IL7: variants seen among roughly 807,000 people sequenced by gnomAD.
IL7 encodes interleukin 7.
IL7 carries 3 observed loss-of-function variants against 21.6 expected under a neutral mutation model. The ratio of observed to expected loss-of-function variants is 0.14; its 90% CI spans 0.06 to 0.36. The LOEUF (loss-of-function observed/expected upper bound fraction) is 0.36. Among genes scored for constraint, IL7 ranks in the 10% least tolerant of loss-of-function variants. The probability of loss-of-function intolerance (pLI) is 1.00; values close to 1 mark genes in which losing one functional copy is unlikely to be tolerated. For missense variants in IL7, 175 were observed against 200.2 expected, an observed-to-expected ratio of 0.87 and a Z score of 0.76; for synonymous variants, 62 against 68.1, an observed-to-expected ratio of 0.91 and a Z score of 0.44.
chr8:78,778,088 A>T (rs1245623387), intron 2 of IL7, among the ~76,000 whole-genome samples: 1 of 152,082 alleles, frequency 6.6e-6, no homozygotes, highest in Non-Finnish European at 1.5e-5. Flanking sequence ...AATTATCAGC[A>T]TTATCCCATT....
chr8:78,783,178 C>G (rs909883354), intron 2 of IL7, among the ~76,000 whole-genome samples: 1 of 152,172 alleles, frequency 6.6e-6, no homozygotes, highest in Admixed American at 6.5e-5. Flanking sequence ...GACCCCAGCC[C>G]AGTGGCCACT....
At chr8:78,749,069 T>A (rs1812077816) in intron 2 of IL7, among the ~76,000 whole-genome samples, 1 of 152,180 alleles carries the variant, frequency 6.6e-6, no homozygotes, top group Non-Finnish European at 1.5e-5. Flanking sequence ...AGTTTAACTG[T>A]CATTTAACTG....
chr8:78,690,885 T>A (rs1810189904), intron 3 of IL7, among the ~76,000 whole-genome samples: 2 of 152,316 alleles, frequency 1.3e-5, no homozygotes, highest in African/African-American at 4.8e-5. Context: ...CATTTTTAGT[T>A]GTTTTTTGCT....
rs1274020151 is a variant in IL7 at position 78,689,979 on chromosome 8, G to C, written n.215-4032C>G. On this transcript the variant is annotated intron_variant and non_coding_transcript_variant, in intron 3 of 4. Transcript: ENST00000523959. ...CACTTCAGGCTGGTATTTGTGTATA[G>C]TGTGAAGTAAGGGGCAGTTTTTCCT... Among the ~76,000 whole-genome samples, 5 of 152,280 alleles carry C rather than the reference G, an allele frequency of 3.3e-5. No homozygotes were observed. The South Asian group carries it at 8.3e-4, about 25-fold the overall frequency.
chr8:78,727,690 C>T (rs1439953696), intron 3 of IL7, among the ~76,000 whole-genome samples: 2 of 151,898 alleles, frequency 1.3e-5, no homozygotes, highest in South Asian at 4.1e-4. Context: ...TTTTAAAACA[C>T]AAATTCAATA....
intron 3 of IL7, among the ~76,000 whole-genome samples, chr8:78,723,547 A>G (rs1411915986): frequency 6.6e-6 from 1 of 152,044 alleles, no homozygotes; most frequent in African/African-American, 2.4e-5. Context: ...GATGAAATTA[A>G]CTTTCATAAA....
At chr8:78,766,272 C>A (rs746099973) in intron 2 of IL7, among the ~76,000 whole-genome samples, 1 of 152,040 alleles carries the variant, frequency 6.6e-6, no homozygotes, top group Non-Finnish European at 1.5e-5. Context: ...AGACATTTGA[C>A]AAAACCCATA....
chr8:78,706,269 A>C (rs928050474), intron 3 of IL7, among the ~76,000 whole-genome samples: 2 of 152,112 alleles, frequency 1.3e-5, no homozygotes, highest in Non-Finnish European at 2.9e-5. Flanking sequence ...GACTGTCTCT[A>C]CTTGGTCCTC....
intron 2 of IL7, among the ~76,000 whole-genome samples, chr8:78,751,091 CA>C (rs200930977): frequency 0.19 from 23,146 of 122,720 alleles, 1,882 homozygotes; most frequent in Middle Eastern, 0.33. Context: ...AGCAAAAATT[CA>C]AAAAAAAAAA....
At chr8:78,747,003 T>C (rs190273806) in intron 2 of IL7, 88 of 456,470 alleles carry the variant, frequency 1.9e-4, no homozygotes, top group African/African-American at 1.5e-3. Flanking sequence ...CATGGTCACA[T>C]GTGCTAGAGC....
At chr8:78,692,964 G>A (rs904382793) in intron 3 of IL7, among the ~76,000 whole-genome samples, 2 of 151,964 alleles carry the variant, frequency 1.3e-5, no homozygotes, top group African/African-American at 4.8e-5. Context: ...TCCCACCTAT[G>A]AGTGAGAACA....
chr8:78,701,527 C>T (rs1810603388), intron 3 of IL7, among the ~76,000 whole-genome samples: 1 of 152,130 alleles, frequency 6.6e-6, no homozygotes, highest in Non-Finnish European at 1.5e-5. Flanking sequence ...ACTTCCAAAA[C>T]TATGTTGAAT....
intron 2 of IL7, among the ~76,000 whole-genome samples, chr8:78,770,491 T>C (rs1812912957): frequency 6.6e-6 from 1 of 152,162 alleles, no homozygotes; most frequent in African/African-American, 2.4e-5. Flanking sequence ...CCTTGAGTCA[T>C]AATCAACAAG....
intron 3 of IL7, among the ~76,000 whole-genome samples, chr8:78,692,756 A>G (rs1211099141): frequency 1.3e-5 from 2 of 151,946 alleles, no homozygotes; most frequent in Non-Finnish European, 1.5e-5. Flanking sequence ...AGTATACTTT[A>G]GTTTTAGGGT....
In IL7 at chr8:78,798,111, T is replaced by C. The variant is rs148676236; in HGVS notation, c.108A>G (p.Gln36=). The C allele has an allele frequency of 1.5e-4, 245 of 1,612,402 alleles. No homozygotes were observed. In the African/African-American group the frequency reaches 2.7e-3, roughly 18 times the overall value. The change falls in exon 2 of 6, where the codon CAA becomes CAG. Residue 36 remains glutamine, a synonymous_variant. Coordinates refer to ENST00000263851, the MANE Select transcript of IL7 (RefSeq NM_000880.4). ...TGCTGACCATTAGAACACTCTCATATTGTTTGCCATCTTTACCTTCAATAT... is the reference window on the plus strand; with the variant it reads ...TGCTGACCATTAGAACACTCTCATACTGTTTGCCATCTTTACCTTCAATAT... ...DCDIEGKDGK[Q]YESVLMVSID...
intron 4 of IL7, chr8:78,678,683 A>G: frequency 2.5e-6 from 4 of 1,597,272 alleles, no homozygotes; most frequent in Non-Finnish European, 3.4e-6. Flanking sequence ...ACCGAGGGTA[A>G]CTATATAACC....
At chr8:78,776,261 T>C (rs1487344076) in intron 2 of IL7, among the ~76,000 whole-genome samples, 2 of 152,068 alleles carry the variant, frequency 1.3e-5, no homozygotes, top group African/African-American at 2.4e-5. Context: ...ATGAGACTAA[T>C]GGGCAGGTAG....
intron 2 of IL7, among the ~76,000 whole-genome samples, chr8:78,772,217 A>G (rs1258502947): frequency 6.6e-6 from 1 of 152,150 alleles, no homozygotes; most frequent in African/African-American, 2.4e-5. Context: ...TTTGTCATAT[A>G]AGTAATGTGA....
chr8:78,720,966 T>C (rs1811226081), intron 5 of IL7: 1 of 151,952 alleles, frequency 6.6e-6, no homozygotes, highest in Non-Finnish European at 1.5e-5. Flanking sequence ...TAGGAGCTAA[T>C]AAGTGGTTAG....
Sources: allele counts gnomAD v4.1 joint callset (sites outside exome capture counted in the v4.1 genomes callset), GRCh38; gene constraint gnomAD v4.1.1; transcripts MANE v1.5; gene names NCBI Gene and HGNC (gene_info 2026-07-23, HGNC 2026-07-21).